The following AFF2 variants were observed in gnomAD, a reference collection of about 807,000 sequenced individuals.
The protein encoded by AFF2 is ALF transcription elongation factor 2.
A neutral mutation model predicts 76.9 loss-of-function variants in AFF2; 14 were observed. That is an observed-to-expected ratio of 0.18 (90% CI 0.12 to 0.28). The LOEUF is 0.28. Among genes scored for constraint, AFF2 ranks in the 10% least tolerant of loss-of-function variants. The pLI, the probability that AFF2 is intolerant of heterozygous loss-of-function variation, is 1.00. For missense variants in AFF2, 868 were observed against 1,001.1 expected (o/e 0.87, Z 1.79); for synonymous variants, 398 against 366.7 (o/e 1.09, Z -0.98).
chrX:148,581,561 TATATAC>T (rs1477473501), intron 1 of AFF2, among the ~76,000 whole-genome samples: 3 of 87,509 alleles, frequency 3.4e-5, no homozygotes, highest in African/African-American at 1.3e-4. Flanking sequence ...TGTACACACA[TATATAC>T]GTATACGTAT....
At chrX:148,614,692 CT>C (rs781997020) in intron 1 of AFF2, among the ~76,000 whole-genome samples, 1 of 49,358 alleles carries the variant, frequency 2.0e-5, no homozygotes, top group South Asian at 9.8e-4. Flanking sequence ...TTCCTTCTTT[CT>C]TTTCTTTCTT....
chrX:148,734,482 T>G (rs1185535351), intron 3 of AFF2, among the ~76,000 whole-genome samples: 3 of 111,309 alleles, frequency 2.7e-5, no homozygotes, highest in Non-Finnish European at 5.7e-5. Context: ...CAGGATACCA[T>G]CCCAAGTATT....
intron 9 of AFF2, among the ~76,000 whole-genome samples, chrX:148,927,361 AT>A (rs1332274679): frequency 6.3e-5 from 7 of 111,322 alleles, no homozygotes; most frequent in African/African-American, 2.3e-4. Context: ...TTTACTGTAA[AT>A]CATTCCTCCC....
At chrX:148,933,209 G>A (rs1557284585) in intron 9 of AFF2, among the ~76,000 whole-genome samples, 2 of 111,946 alleles carry the variant, frequency 1.8e-5, no homozygotes, top group East Asian at 5.6e-4. Flanking sequence ...TGAGGCAAGA[G>A]TATACCTGGT....
intron 3 of AFF2, among the ~76,000 whole-genome samples, chrX:148,710,467 A>G (rs2054953133): frequency 8.9e-6 from 1 of 111,958 alleles, no homozygotes; most frequent in Admixed American, 9.5e-5. Context: ...TATAAATAAC[A>G]TAGCATTACA....
chrX:148,776,158 C>T (rs2069664305), intron 3 of AFF2, among the ~76,000 whole-genome samples: 1 of 111,462 alleles, frequency 9.0e-6, no homozygotes, highest in African/African-American at 3.3e-5. Flanking sequence ...TGGTTTCCAG[C>T]TTCATCCATG....
At chrX:148,533,483 G>A (rs1472465172) in intron 1 of AFF2, among the ~76,000 whole-genome samples, 7 of 110,593 alleles carry the variant, frequency 6.3e-5, no homozygotes, top group Admixed American at 2.9e-4. Flanking sequence ...TAGTAGAGAT[G>A]GGGTTGCACC....
chrX:148,809,503 G>A (rs1408136994), intron 3 of AFF2, among the ~76,000 whole-genome samples: 1 of 111,958 alleles, frequency 8.9e-6, no homozygotes, highest in South Asian at 3.8e-4. Context: ...AAAGTGTTTC[G>A]TATAGGCCTT....
chrX:148,981,079 C>G (rs2072386364), intron 19 of AFF2, among the ~76,000 whole-genome samples: 2 of 111,993 alleles, frequency 1.8e-5, no homozygotes, highest in South Asian at 3.8e-4. Context: ...AAAGTTAACT[C>G]CACTGCAGTG....
intron 3 of AFF2, among the ~76,000 whole-genome samples, chrX:148,679,860 G>A (rs1233494240): frequency 8.9e-6 from 1 of 111,990 alleles, no homozygotes; most frequent in Non-Finnish European, 1.9e-5. Flanking sequence ...TTTAAAATAA[G>A]CCATTATTCT....
At chrX:148,875,309 A>T (rs781922146) in intron 7 of AFF2, among the ~76,000 whole-genome samples, 19 of 112,423 alleles carry the variant, frequency 1.7e-4, no homozygotes, top group Non-Finnish European at 1.7e-4. Context: ...AATATCAATA[A>T]AAAGGTGATG....
At chrX:148,719,031 C>T (rs1557263573) in intron 3 of AFF2, 1 of 1,014,187 alleles carries the variant, frequency 9.9e-7, no homozygotes, top group Admixed American at 3.6e-5. Flanking sequence ...TTATTGTGAC[C>T]TAGAATAAAG....
chrX:148,660,461 A>G (rs1300921209), intron 2 of AFF2, among the ~76,000 whole-genome samples: 1 of 112,055 alleles, frequency 8.9e-6, no homozygotes, highest in Non-Finnish European at 1.9e-5. Context: ...CCATCTTCAC[A>G]TACAAAGGAA....
intron 1 of AFF2, among the ~76,000 whole-genome samples, chrX:148,644,156 A>G: frequency 8.9e-6 from 1 of 111,992 alleles, no homozygotes. Flanking sequence ...GCCCCTGAGA[A>G]GCCGAGATAT....
intron 3 of AFF2, among the ~76,000 whole-genome samples, chrX:148,701,011 A>AGTGTGTGTGT (rs10675199): frequency 3.1e-4 from 19 of 61,130 alleles, no homozygotes; most frequent in East Asian, 7.6e-4. Flanking sequence ...AGAGAGAGAG[A>AGTGTGTGTGT]ATGTGTGTGT....
At chrX:148,895,792 A>G (rs1385478082) in intron 8 of AFF2, among the ~76,000 whole-genome samples, 1 of 111,211 alleles carries the variant, frequency 9.0e-6, no homozygotes, top group Non-Finnish European at 1.9e-5. Context: ...GAAAAGTGGA[A>G]GAACCTGGCC....
intron 7 of AFF2, among the ~76,000 whole-genome samples, chrX:148,855,589 A>C (rs1020487885): frequency 1.8e-5 from 2 of 112,208 alleles, no homozygotes; most frequent in East Asian, 2.8e-4. Context: ...TATATTTGTT[A>C]ATCCATATTT....
intron 1 of AFF2, among the ~76,000 whole-genome samples, chrX:148,506,367 A>G (rs1300525095): frequency 9.0e-6 from 1 of 111,330 alleles, no homozygotes; most frequent in Admixed American, 9.5e-5. Context: ...TTTTGTGTGG[A>G]TCCGAATATT....
intron 8 of AFF2, among the ~76,000 whole-genome samples, chrX:148,901,418 ATAACTGT>A (rs1557280866): frequency 8.9e-6 from 1 of 112,605 alleles, no homozygotes; most frequent in Admixed American, 9.4e-5. Context: ...TTAAAGCAGC[ATAACTGT>A]TAACTCTCCA....
Sources: gnomAD v4.1 joint callset for allele counts (sites outside exome capture counted in the v4.1 genomes callset) on GRCh38, gnomAD v4.1.1 for gene constraint, MANE v1.5 for transcripts, NCBI Gene and HGNC (gene_info 2026-07-23, HGNC 2026-07-21) for gene names.